CDIN1: variants seen among roughly 807,000 people sequenced by gnomAD.
The protein encoded by CDIN1 is CDAN1 interacting nuclease 1.
In CDIN1, 33 loss-of-function variants were observed where a neutral mutation model predicts 45.3. The observed-to-expected ratio is 0.73, with a 90% CI of 0.55 to 0.97. CDIN1 has a LOEUF of 0.97. CDIN1 is among the 50% of genes least tolerant of loss of function. The probability of loss-of-function intolerance (pLI) is 0.00; values close to 1 mark genes in which losing one functional copy is unlikely to be tolerated. For missense variants in CDIN1, 303 were observed against 339.4 expected (o/e 0.89, Z 0.84); for synonymous variants, 118 against 124.4 (o/e 0.95, Z 0.34).
intron 1 of CDIN1, chr15:36,617,999 G>T: frequency 2.5e-6 from 2 of 789,020 alleles, no homozygotes; most frequent in Admixed American, 1.7e-5. Context: ...TGCCTCCCCA[G>T]TCTTTATGCA....
At chr15:36,697,528 G>A (rs1003223024) in intron 8 of CDIN1, 138 bp downstream of exon 8, 3 of 689,660 alleles carry the variant, frequency 4.3e-6, no homozygotes, top group Non-Finnish European at 4.7e-6. Context: ...TTGGAACTGA[G>A]CAGGAACTCA....
chr15:36,747,380 T>C (rs563724349), intron 10 of CDIN1: 50 of 175,956 alleles, frequency 2.8e-4, no homozygotes, highest in African/African-American at 1.1e-3. Context: ...TCAGTTGGCC[T>C]AGAGTTTTCA....
At chr15:36,687,050 T>G (rs549557827) in intron 5 of CDIN1, among the ~76,000 whole-genome samples, 1 of 148,838 alleles carries the variant, frequency 6.7e-6, no homozygotes, top group African/African-American at 2.5e-5. Context: ...GAGGGAGGGA[T>G]GGAAGGAGAA....
chr15:36,670,838 C>T (rs2041422464), intron 5 of CDIN1, among the ~76,000 whole-genome samples: 1 of 151,674 alleles, frequency 6.6e-6, no homozygotes, highest in African/African-American at 2.4e-5. Flanking sequence ...AGGAATATTC[C>T]TTTAAATGAT....
chr15:36,687,458 A>T (rs1238107592), intron 5 of CDIN1, among the ~76,000 whole-genome samples: 1 of 152,214 alleles, frequency 6.6e-6, no homozygotes, highest in Middle Eastern at 3.2e-3. Context: ...GGCAGATCCT[A>T]TCCAAAAGAA....
chr15:36,743,903 CA>C (rs1021616337), intron 10 of CDIN1, among the ~76,000 whole-genome samples: 6 of 145,402 alleles, frequency 4.1e-5, no homozygotes, highest in Non-Finnish European at 7.6e-5. Context: ...AAAATAAAAC[CA>C]AAAAAAAACA....
chr15:36,740,222 G>C, intron 10 of CDIN1, among the ~76,000 whole-genome samples: 1 of 152,124 alleles, frequency 6.6e-6, no homozygotes, highest in Non-Finnish European at 1.5e-5. Context: ...TCTAATACCT[G>C]TGTCCCCTTT....
chr15:36,754,907 C>CA (rs199989630), intron 10 of CDIN1, among the ~76,000 whole-genome samples: 3 of 151,290 alleles, frequency 2.0e-5, no homozygotes, highest in Admixed American at 6.6e-5. Context: ...ATTTTTCTAC[C>CA]AAAAAAAAGG....
At chr15:36,701,122 G>GATAGATAGA (rs1566912597) in intron 8 of CDIN1, among the ~76,000 whole-genome samples, 93 of 103,866 alleles carry the variant, frequency 9.0e-4, no homozygotes, top group Middle Eastern at 4.8e-3. Flanking sequence ...AGATAGGTAG[G>GATAGATAGA]TAGATAGATA....
intron 10 of CDIN1, among the ~76,000 whole-genome samples, chr15:36,789,144 T>A (rs577680762): frequency 1.3e-4 from 20 of 152,338 alleles, no homozygotes; most frequent in African/African-American, 4.6e-4. Flanking sequence ...CTGGGTCACA[T>A]GCAGTCTGTG....
intron 1 of CDIN1, among the ~76,000 whole-genome samples, chr15:36,606,852 G>T (rs2038400696): frequency 6.6e-6 from 1 of 152,096 alleles, no homozygotes; most frequent in African/African-American, 2.4e-5. Flanking sequence ...TCAATTACCA[G>T]CAAGCTCTTT....
At chr15:36,800,909 G>GTATATATATATATATATATA (rs370036091) in intron 10 of CDIN1, among the ~76,000 whole-genome samples, 7 of 22,380 alleles carry the variant, frequency 3.1e-4, no homozygotes, top group Non-Finnish European at 5.8e-4. Flanking sequence ...GTGTGTGTGT[G>GTATATATATATATATATATA]TATATATATA....
At chr15:36,727,323 G>C (rs911649735) in intron 10 of CDIN1, among the ~76,000 whole-genome samples, 6 of 146,356 alleles carry the variant, frequency 4.1e-5, no homozygotes, top group Non-Finnish European at 7.5e-5. Context: ...TGTCAGAAAA[G>C]CTCATCTTTT....
chr15:36,789,857 C>T (rs960139316), intron 10 of CDIN1, among the ~76,000 whole-genome samples: 3 of 152,158 alleles, frequency 2.0e-5, no homozygotes, highest in African/African-American at 7.2e-5. Context: ...GTGAGGCCTA[C>T]CAAAGTCAGT....
chr15:36,670,954 CT>C (rs1437123233), intron 5 of CDIN1, among the ~76,000 whole-genome samples: 15 of 152,156 alleles, frequency 9.9e-5, no homozygotes, highest in African/African-American at 3.1e-4. Context: ...GTTTAATAAT[CT>C]GCCAGTTGAG....
intron 10 of CDIN1, among the ~76,000 whole-genome samples, chr15:36,748,079 T>G (rs2044510328): frequency 1.3e-5 from 2 of 152,194 alleles, no homozygotes; most frequent in South Asian, 4.1e-4. Flanking sequence ...TGGTTCTCAT[T>G]TGGTCTCTCA....
At chr15:36,588,287 T>G (rs889715959) in intron 1 of CDIN1, among the ~76,000 whole-genome samples, 14 of 152,168 alleles carry the variant, frequency 9.2e-5, no homozygotes, top group African/African-American at 3.1e-4. Flanking sequence ...GAGGGAGCAT[T>G]GCAATGCATA....
intron 10 of CDIN1, among the ~76,000 whole-genome samples, chr15:36,727,188 ATTAG>A (rs2043662129): frequency 6.6e-6 from 1 of 152,160 alleles, no homozygotes; most frequent in Admixed American, 6.5e-5. Flanking sequence ...TTTTCTTCTA[ATTAG>A]TTAATTTACA....
At chr15:36,581,381 T>C (rs921271558) in intron 1 of CDIN1, among the ~76,000 whole-genome samples, 2 of 152,228 alleles carry the variant, frequency 1.3e-5, no homozygotes, top group African/African-American at 4.8e-5. Flanking sequence ...AATAAGTAAG[T>C]GTCTGTTACT....
Sources: allele counts gnomAD v4.1 joint callset (sites outside exome capture counted in the v4.1 genomes callset), GRCh38; gene constraint gnomAD v4.1.1; transcripts MANE v1.5; gene names NCBI Gene and HGNC (gene_info 2026-07-23, HGNC 2026-07-21).